The following MLLT10 variants were observed in gnomAD, a reference collection of about 807,000 sequenced individuals.
MLLT10 encodes protein AF-10.
Under a neutral mutation model 129.1 loss-of-function variants are expected in MLLT10, and 30 were observed. The ratio of observed to expected loss-of-function variants is 0.23; its 90% CI spans 0.17 to 0.32. MLLT10 has a LOEUF of 0.32. Among genes scored for constraint, MLLT10 ranks in the 10% least tolerant of loss-of-function variants. MLLT10 has a pLI of 1.00. For missense variants in MLLT10, 1,119 were observed against 1,268.3 expected (o/e 0.88, Z 1.79); for synonymous variants, 490 against 446.4 (o/e 1.10, Z -1.23).
At position 21,713,788 on chromosome 10, in the gene MLLT10, T is replaced by A; in HGVS notation, c.1716T>A (p.Asn572Lys). Residue 572 changes from asparagine to lysine, a missense_variant, in exon 14 of 23, where the codon AAT becomes AAA. Asn to Lys is a moderately conservative substitution (Grantham distance 94). Around this residue, in one of 5 missense-constraint regions of MLLT10, gnomAD observed 1,004 missense variants for 1,008.7 expected, o/e 1.00. Transcript: ENST00000307729. Reference sequence around the variant, plus strand: ...TTTTTGCAGGTATTTATAACAGCAATGATGTAGCAGTATCGTTTCCAAATG... The same window carrying A: ...TTTTTGCAGGTATTTATAACAGCAAAGATGTAGCAGTATCGTTTCCAAATG... ...NAIHNGIYNS[N>K]DVAVSFPNVV... 1 of 1,610,012 alleles carries A rather than the reference T, an allele frequency of 6.2e-7. No individual in the cohort carries two copies. The highest frequency in any genetic ancestry group is 8.5e-7 in the Non-Finnish European group (1 of 1,178,660).
In MLLT10 at chr10:21,726,262, T is replaced by A. The variant is rs201211956; in HGVS notation, c.1897T>A (p.Ser633Thr). 1.1e-4 allele frequency: 174 copies of A among 1,610,266 alleles called. No homozygotes were observed. In the East Asian group the frequency reaches 2.7e-3, roughly 25 times the overall value. Reference sequence around the variant, plus strand: ...CATTTAGGCAAATACTCTATCTGGATCTTCTCTCAGTCAGGCACCATCTCA... The same window carrying A: ...CATTTAGGCAAATACTCTATCTGGAACTTCTCTCAGTCAGGCACCATCTCA... ...ATTQANTLSG[S>T]SLSQAPSHMY... Residue 633 changes from serine (S) to threonine (T), a missense_variant, in exon 15 of 23, where the codon TCT becomes ACT. Physicochemically the swap from Ser to Thr is moderately conservative, Grantham distance 58. Coordinates refer to ENST00000307729, the MANE Select transcript of MLLT10 (RefSeq NM_001195626.3).
At chr10:21,574,429 A>G (rs946616808) in intron 3 of MLLT10, among the ~76,000 whole-genome samples, 1 of 152,202 alleles carries the variant, frequency 6.6e-6, no homozygotes, top group Admixed American at 6.5e-5. Flanking sequence ...GGGGGTCCCA[A>G]TCCAGACCCC....
At chr10:21,735,738 G>C (rs2058314604) in intron 21 of MLLT10, among the ~76,000 whole-genome samples, 1 of 152,134 alleles carries the variant, frequency 6.6e-6, no homozygotes, top group Non-Finnish European at 1.5e-5. Flanking sequence ...GGAGGTAAAG[G>C]GGCAGCTGCT....
At chr10:21,681,440 G>A (rs2052728842) in intron 12 of MLLT10, 64 bp downstream of exon 12, 1 of 1,117,388 alleles carries the variant, frequency 8.9e-7, no homozygotes. Context: ...TTTCTAGTAT[G>A]TTATGCCACC....
rs772985176 is a variant in MLLT10, at chr10:21,740,035, A to G, written c.2961A>G (p.Gln987=). The G allele has an allele frequency of 6.2e-7, 1 of 1,603,054 alleles. No homozygotes were observed. Among genetic ancestry groups the G allele is most frequent in the Non-Finnish European group, 8.5e-7 (1 of 1,173,904 alleles). The change falls in exon 22 of 23, where the codon CAA becomes CAG. Residue 987 remains glutamine (Q), a synonymous_variant. Transcript: ENST00000307729. ...LLNSQQLTPE[Q]HQAFLYQLMQ... ...TCACATGTTTTTTGCCTAAGGAACA[A>G]CATCAAGCCTTTTTGTATCAGTTAA...
intron 7 of MLLT10, among the ~76,000 whole-genome samples, chr10:21,616,624 T>C (rs1260657983): frequency 6.6e-6 from 1 of 152,122 alleles, no homozygotes; most frequent in African/African-American, 2.4e-5. Flanking sequence ...AAATAAAATG[T>C]GCAGGAATTA....
intron 3 of MLLT10, chr10:21,557,948 CTTTTTTTTTTTT>C (rs945740582): frequency 2.9e-5 from 3 of 104,458 alleles, no homozygotes; most frequent in Non-Finnish European, 4.1e-5. Flanking sequence ...TTTTTTTTTT[CTTTTTTTTTTTT>C]TTTTTTGGAG....
Position 21,668,087 on chromosome 10 carries a change from T to TA in MLLT10, c.796-2361dup, listed in dbSNP as rs1398931805. On this transcript the variant is annotated intron_variant, in intron 9 of 22. Transcript: ENST00000307729. Reference sequence around the variant, plus strand: ...AAACAACAACAACAAAAAAAGAACTTACATTTTTCAGTAGAGCACCAAATG... The same window carrying TA: ...AAACAACAACAACAAAAAAAGAACTTAACATTTTTCAGTAGAGCACCAAATG... Among the ~76,000 whole-genome samples the TA allele has an allele frequency of 2.6e-5, 4 of 152,148 alleles. No individual in the cohort carries two copies. The East Asian group carries it at 7.7e-4, about 29-fold the overall frequency.
At position 21,600,047 on chromosome 10, in the gene MLLT10, C is replaced by T. The variant is rs536528856; in HGVS notation, c.405+4607C>T. On this transcript the variant is annotated intron_variant, in intron 5 of 22. Coordinates refer to ENST00000307729, the MANE Select transcript of MLLT10 (RefSeq NM_001195626.3). Reference sequence around the variant, plus strand: ...TTAGTCAACTTTTTCAACACTATTGCTGAATAATCTATGTTTTCCATAGTG... The same window carrying T: ...TTAGTCAACTTTTTCAACACTATTGTTGAATAATCTATGTTTTCCATAGTG... 1.4e-4 allele frequency among the ~76,000 whole-genome samples: 21 copies of T among 152,268 alleles called. 1 individual carries two copies. In the South Asian group the frequency reaches 3.5e-3, roughly 26 times the overall value.
intron 8 of MLLT10, among the ~76,000 whole-genome samples, chr10:21,643,701 A>T (rs1018778539): frequency 6.6e-6 from 1 of 151,510 alleles, no homozygotes; most frequent in Non-Finnish European, 1.5e-5. Context: ...GACTAACGAC[A>T]CCTCCCTCTC....
intron 2 of MLLT10, among the ~76,000 whole-genome samples, chr10:21,537,591 A>G (rs1003377144): frequency 3.3e-5 from 5 of 152,068 alleles, no homozygotes; most frequent in African/African-American, 7.2e-5. Flanking sequence ...CAGCCTCCCA[A>G]GTAGCTGGGG....
In MLLT10 at chr10:21,734,101, C is replaced by T. The variant is rs1482570489; in HGVS notation, c.2830C>T (p.His944Tyr). 5 of 1,611,544 alleles carry T rather than the reference C, an allele frequency of 3.1e-6. No individual in the cohort carries two copies. Among genetic ancestry groups the T allele is most frequent in the South Asian group, 1.1e-5 (1 of 90,806 alleles). ...CACAACCGTACCACCTAATGCAACA[C>T]ATCCAATGCCAGCTACACTGACTAA... ...THTTVPPNAT[H>Y]PMPATLTNSA... is the part of the protein sequence containing the mutation. Residue 944 changes from histidine (H) to tyrosine (Y), a missense_variant, in exon 20 of 23, where the codon CAT (histidine) becomes TAT (tyrosine). Coordinates refer to ENST00000307729, the MANE Select transcript of MLLT10 (RefSeq NM_001195626.3).
chr10:21,629,948 T>A (rs1006789671), intron 8 of MLLT10, among the ~76,000 whole-genome samples: 1 of 152,134 alleles, frequency 6.6e-6, no homozygotes, highest in Non-Finnish European at 1.5e-5. Context: ...GACAACAGAA[T>A]GAGACCTCAT....
intron 8 of MLLT10, among the ~76,000 whole-genome samples, chr10:21,641,558 A>T (rs1239120462): frequency 6.6e-6 from 1 of 152,178 alleles, no homozygotes; most frequent in Admixed American, 6.5e-5. Context: ...CCGGAGGCTG[A>T]GGTGGGAGGA....
chr10:21,561,783 A>T (rs1274560193), intron 3 of MLLT10, among the ~76,000 whole-genome samples: 1 of 151,598 alleles, frequency 6.6e-6, no homozygotes, highest in East Asian at 1.9e-4. Context: ...ATTCTCTTTC[A>T]GTGCTCTGTT....
At chr10:21,604,280 CTT>C (rs1229958050) in intron 5 of MLLT10, among the ~76,000 whole-genome samples, 2 of 152,152 alleles carry the variant, frequency 1.3e-5, no homozygotes, top group Non-Finnish European at 2.9e-5. Flanking sequence ...TGGATTAAGA[CTT>C]TGGTTAATCC....
chr10:21,690,245 T>C (rs1021717015), intron 13 of MLLT10, among the ~76,000 whole-genome samples: 1 of 152,020 alleles, frequency 6.6e-6, no homozygotes, highest in Non-Finnish European at 1.5e-5. Flanking sequence ...ATCAAGAATC[T>C]GGAGCAGATG....
chr10:21,553,795 A>G (rs1440041302), intron 3 of MLLT10, among the ~76,000 whole-genome samples: 1 of 151,698 alleles, frequency 6.6e-6, no homozygotes, highest in African/African-American at 2.4e-5. Context: ...GATTATAGGC[A>G]TGCGCCACCA....
chr10:21,538,490 G>A (rs1373591752), intron 2 of MLLT10, among the ~76,000 whole-genome samples: 2 of 150,444 alleles, frequency 1.3e-5, no homozygotes, highest in Admixed American at 1.3e-4. Flanking sequence ...TTTTTTTTGT[G>A]GAGATGGAGT....
Sources: allele counts gnomAD v4.1 joint callset (sites outside exome capture counted in the v4.1 genomes callset), GRCh38; gene constraint gnomAD v4.1.1; regional missense constraint gnomAD v4.1.1; transcripts MANE v1.5; gene names NCBI Gene and HGNC (gene_info 2026-07-23, HGNC 2026-07-21).